Variants in PLAC1 observed in about 807,000 individuals in gnomAD.
PLAC1 encodes the protein placenta-specific protein 1.
For missense variants in PLAC1, 136 were observed against 163.2 expected (o/e 0.83, Z 0.91); for synonymous variants, 68 against 62.1 (o/e 1.09, Z -0.44).
At chrX:134,611,533 G>GTATATATGCATATACACATATGTA (rs2078153122) in intron 1 of PLAC1, among the ~76,000 whole-genome samples, 1 of 61,424 alleles carries the variant, frequency 1.6e-5, no homozygotes, top group South Asian at 5.5e-4. Flanking sequence ...ATATACATAT[G>GTATATATGCATATACACATATGTA]TATATATGCA....
chrX:134,582,764 G>T (rs1354522384), intron 2 of PLAC1, among the ~76,000 whole-genome samples: 1 of 111,384 alleles, frequency 9.0e-6, no homozygotes, highest in Non-Finnish European at 1.9e-5. Context: ...TCACTCATAG[G>T]ACAGAAATGA....
At chrX:134,726,615 G>A (rs2078674982) in intron 2 of PLAC1, among the ~76,000 whole-genome samples, 4 of 110,548 alleles carry the variant, frequency 3.6e-5, no homozygotes, top group Admixed American at 2.9e-4. Context: ...ATGAGGTCAG[G>A]AGATCGAGAC....
At chrX:134,625,644 C>A (rs2078233195) in intron 1 of PLAC1, among the ~76,000 whole-genome samples, 1 of 111,631 alleles carries the variant, frequency 9.0e-6, no homozygotes, top group Admixed American at 9.5e-5. Context: ...GGCAGCCATG[C>A]CGAAGGAAAG....
At chrX:134,663,603 T>C (rs2078425022) in intron 2 of PLAC1, among the ~76,000 whole-genome samples, 1 of 112,489 alleles carries the variant, frequency 8.9e-6, no homozygotes, top group African/African-American at 3.2e-5. Context: ...GTTCCTAACC[T>C]GAAAACAAAC....
intron 2 of PLAC1, among the ~76,000 whole-genome samples, chrX:134,674,601 A>G (rs2078467068): frequency 8.9e-6 from 1 of 112,555 alleles, no homozygotes; most frequent in Admixed American, 9.3e-5. Context: ...GACGTAGGTA[A>G]TTTAGAACTG....
chrX:134,699,568 A>G (rs2078575789), intron 2 of PLAC1, among the ~76,000 whole-genome samples: 1 of 112,473 alleles, frequency 8.9e-6, no homozygotes, highest in African/African-American at 3.2e-5. Context: ...TGTCCCATAC[A>G]TCATGCTGTA....
At chrX:134,627,979 G>A (rs1432170816) in intron 1 of PLAC1, among the ~76,000 whole-genome samples, 1 of 111,168 alleles carries the variant, frequency 9.0e-6, no homozygotes, top group Non-Finnish European at 1.9e-5. Flanking sequence ...TCTGAGCCTT[G>A]GTTTCCTCAT....
chrX:134,715,582 T>G (rs1361883213), intron 2 of PLAC1, among the ~76,000 whole-genome samples: 2 of 111,328 alleles, frequency 1.8e-5, no homozygotes, highest in African/African-American at 6.5e-5. Context: ...AAGACTGACC[T>G]AGAAGACCAG....
chrX:134,566,801 GAT>G (rs1569372280), intron 2 of PLAC1, 61 bp from the exon 3 acceptor site: 1 of 569,093 alleles, frequency 1.8e-6, no homozygotes, highest in East Asian at 3.4e-5. Context: ...GTTCAAACAT[GAT>G]ATATTTTTTA....
At chrX:134,714,853 AT>A (rs1366072971) in intron 2 of PLAC1, among the ~76,000 whole-genome samples, 1 of 112,096 alleles carries the variant, frequency 8.9e-6, no homozygotes, top group Non-Finnish European at 1.9e-5. Flanking sequence ...ATAGTATTCC[AT>A]TGCATGTGTG....
intron 2 of PLAC1, among the ~76,000 whole-genome samples, chrX:134,591,398 G>A (rs1013634578): frequency 9.8e-5 from 11 of 112,586 alleles, no homozygotes; most frequent in South Asian, 3.7e-4. Context: ...CCAATGAATC[G>A]AAGCTAGCAT....
chrX:134,718,903 G>A (rs908265910), intron 2 of PLAC1, among the ~76,000 whole-genome samples: 5 of 111,775 alleles, frequency 4.5e-5, no homozygotes, highest in African/African-American at 1.6e-4. Flanking sequence ...TTCAAAAGGG[G>A]CCTGTGAATA....
intron 2 of PLAC1, among the ~76,000 whole-genome samples, chrX:134,687,441 A>T (rs1480372328): frequency 9.1e-6 from 1 of 110,289 alleles, no homozygotes; most frequent in East Asian, 2.9e-4. Flanking sequence ...TGTATTTTAT[A>T]TGTGGCTCAA....
chrX:134,698,208 T>A (rs1398554914), intron 2 of PLAC1, among the ~76,000 whole-genome samples: 1 of 111,395 alleles, frequency 9.0e-6, no homozygotes, highest in Non-Finnish European at 1.9e-5. Flanking sequence ...TCCCTGCATT[T>A]TGGGAGGCTG....
intron 2 of PLAC1, among the ~76,000 whole-genome samples, chrX:134,600,313 C>T (rs2078082449): frequency 9.0e-6 from 1 of 111,247 alleles, no homozygotes; most frequent in Admixed American, 9.5e-5. Context: ...ACTACATGTG[C>T]ATGTCACCAG....
At chrX:134,751,675 A>T (rs764233389) in intron 1 of PLAC1, among the ~76,000 whole-genome samples, 1 of 111,514 alleles carries the variant, frequency 9.0e-6, no homozygotes, top group East Asian at 2.8e-4. Flanking sequence ...TGGTTAAATA[A>T]GACAATAAGC....
intron 1 of PLAC1, among the ~76,000 whole-genome samples, chrX:134,613,043 G>T (rs1484187756): frequency 9.0e-6 from 1 of 110,706 alleles, no homozygotes; most frequent in African/African-American, 3.3e-5. Flanking sequence ...ATCTGAGATG[G>T]GTTGGGTGGC....
intron 2 of PLAC1, among the ~76,000 whole-genome samples, chrX:134,677,827 G>A: frequency 1.8e-5 from 2 of 112,009 alleles, no homozygotes; most frequent in Non-Finnish European, 3.8e-5. Flanking sequence ...GGCAAGGGTT[G>A]AAGCAGGGAG....
chrX:134,667,761 A>G (rs1026140411), intron 2 of PLAC1, among the ~76,000 whole-genome samples: 1 of 109,637 alleles, frequency 9.1e-6, no homozygotes, highest in Non-Finnish European at 1.9e-5. Flanking sequence ...ATCTCTATAA[A>G]AAAAAAATTT....
Sources: gnomAD v4.1 joint callset for allele counts (sites outside exome capture counted in the v4.1 genomes callset) on GRCh38, gnomAD v4.1.1 for gene constraint, MANE v1.5 for transcripts, NCBI Gene and HGNC (gene_info 2026-07-23, HGNC 2026-07-21) for gene names.